CDK14: variants seen among roughly 807,000 people sequenced by gnomAD.
CDK14 encodes the protein cyclin dependent kinase 14.
In CDK14, 34 loss-of-function variants were observed where a neutral mutation model predicts 60.7. The ratio of observed to expected loss-of-function variants is 0.56; its 90% CI spans 0.43 to 0.75. CDK14 has a LOEUF of 0.75. Among genes scored for constraint, CDK14 ranks in the 30% least tolerant of loss-of-function variants. The pLI is 0.00. For missense variants in CDK14, 482 were observed against 564.1 expected, an observed-to-expected ratio of 0.85 and a Z score of 1.47; for synonymous variants, 197 against 203.7, an observed-to-expected ratio of 0.97 and a Z score of 0.28.
chr7:90,874,685 T>A (rs4015337), intron 6 of CDK14, among the ~76,000 whole-genome samples: 1 of 147,818 alleles, frequency 6.8e-6, no homozygotes, highest in Admixed American at 6.7e-5. Flanking sequence ...CCCGCCACCG[T>A]GCCCGGCTAA....
chr7:91,131,275 T>A (rs1800108897), intron 14 of CDK14, among the ~76,000 whole-genome samples: 1 of 152,062 alleles, frequency 6.6e-6, no homozygotes, highest in African/African-American at 2.4e-5. Context: ...ATGTCCCTCA[T>A]GATGTTTTGG....
intron 14 of CDK14, among the ~76,000 whole-genome samples, chr7:91,132,765 A>G (rs1419025644): frequency 6.6e-6 from 1 of 152,000 alleles, no homozygotes; most frequent in Non-Finnish European, 1.5e-5. Context: ...AGGATGATAA[A>G]GGGTACAGCA....
At chr7:91,123,584 T>C (rs920255413) in intron 14 of CDK14, among the ~76,000 whole-genome samples, 2 of 152,132 alleles carry the variant, frequency 1.3e-5, no homozygotes, top group African/African-American at 4.8e-5. Flanking sequence ...CGGAATGCTA[T>C]TAGTTTCCCC....
chr7:90,916,603 A>G (rs562327327), intron 7 of CDK14, among the ~76,000 whole-genome samples: 5 of 152,246 alleles, frequency 3.3e-5, no homozygotes, highest in South Asian at 2.1e-4. Context: ...GTCTTTTACA[A>G]CTCATTTAAA....
At chr7:91,103,435 T>G (rs954527250) in intron 12 of CDK14, among the ~76,000 whole-genome samples, 11 of 152,174 alleles carry the variant, frequency 7.2e-5, no homozygotes, top group Non-Finnish European at 1.5e-4. Flanking sequence ...CTTTGTCTGT[T>G]TTCAGGAAGT....
chr7:91,062,799 A>G (rs1225615658), intron 11 of CDK14, among the ~76,000 whole-genome samples: 1 of 152,126 alleles, frequency 6.6e-6, no homozygotes, highest in Non-Finnish European at 1.5e-5. Context: ...CCCACTAAGT[A>G]TCTGGCAATT....
intron 14 of CDK14, among the ~76,000 whole-genome samples, chr7:91,170,768 TC>T (rs370654328): frequency 2.7e-5 from 4 of 148,802 alleles, no homozygotes; most frequent in Non-Finnish European, 5.9e-5. Context: ...TTTTTTTTTT[TC>T]TTTTTTTTTT....
intron 8 of CDK14, among the ~76,000 whole-genome samples, chr7:90,945,334 T>C (rs1794069513): frequency 6.6e-6 from 1 of 152,220 alleles, no homozygotes; most frequent in South Asian, 2.1e-4. Context: ...GATGTGGCTA[T>C]TGTATCAGGA....
At chr7:90,639,981 T>C (rs1800279557) in intron 2 of CDK14, among the ~76,000 whole-genome samples, 1 of 152,132 alleles carries the variant, frequency 6.6e-6, no homozygotes, top group Non-Finnish European at 1.5e-5. Context: ...AAAAGCGCAG[T>C]ATTCGGGTGG....
At chr7:91,126,101 C>T (rs371391590) in intron 14 of CDK14, among the ~76,000 whole-genome samples, 1 of 152,044 alleles carries the variant, frequency 6.6e-6, no homozygotes, top group African/African-American at 2.4e-5. Flanking sequence ...TATTAAGATA[C>T]CTAGAGTTGT....
At chr7:90,819,449 A>T (rs1187928550) in intron 5 of CDK14, among the ~76,000 whole-genome samples, 2 of 151,712 alleles carry the variant, frequency 1.3e-5, no homozygotes, top group Non-Finnish European at 2.9e-5. Flanking sequence ...ACTCATGTTT[A>T]CTAACTGCAA....
chr7:90,983,844 A>G (rs1384320644), intron 9 of CDK14, among the ~76,000 whole-genome samples: 3 of 152,288 alleles, frequency 2.0e-5, no homozygotes, highest in South Asian at 2.1e-4. Flanking sequence ...AAAAGCAACA[A>G]TAGACACTAG....
chr7:91,045,386 G>C (rs1349732306), intron 10 of CDK14, among the ~76,000 whole-genome samples: 1 of 152,176 alleles, frequency 6.6e-6, no homozygotes, highest in African/African-American at 2.4e-5. Flanking sequence ...TGTAAATCAC[G>C]TAATTACAGA....
intron 14 of CDK14, among the ~76,000 whole-genome samples, chr7:91,146,292 C>A (rs1255496406): frequency 1.3e-5 from 2 of 152,182 alleles, no homozygotes; most frequent in African/African-American, 2.4e-5. Flanking sequence ...CCTCCAACTC[C>A]CAGGTTCAAG....
chr7:90,606,852 A>T (rs1799428827), intron 2 of CDK14, among the ~76,000 whole-genome samples: 1 of 152,176 alleles, frequency 6.6e-6, no homozygotes, highest in Non-Finnish European at 1.5e-5. Flanking sequence ...CTTTCTAGTT[A>T]TTTGGGCAGG....
At chr7:90,949,991 G>C (rs1794206758) in intron 8 of CDK14, among the ~76,000 whole-genome samples, 1 of 152,262 alleles carries the variant, frequency 6.6e-6, no homozygotes, top group Admixed American at 6.5e-5. Flanking sequence ...ACATCTCATA[G>C]TGATTATATG....
chr7:90,778,480 G>A (rs1467026325), intron 4 of CDK14, among the ~76,000 whole-genome samples: 1 of 152,182 alleles, frequency 6.6e-6, no homozygotes, highest in African/African-American at 2.4e-5. Flanking sequence ...CTCCCACTGT[G>A]TGCTCCTGCA....
chr7:91,178,475 CTA>C (rs1801860773), intron 14 of CDK14, among the ~76,000 whole-genome samples: 1 of 144,904 alleles, frequency 6.9e-6, no homozygotes, highest in Non-Finnish European at 1.5e-5. Context: ...TCTAATTAAA[CTA>C]AAGAGCTTCT....
At chr7:90,953,297 A>G (rs975969268) in intron 8 of CDK14, among the ~76,000 whole-genome samples, 7 of 152,222 alleles carry the variant, frequency 4.6e-5, no homozygotes, top group African/African-American at 1.4e-4. Context: ...ATTTACATGC[A>G]AACCATTTTA....
Sources: gnomAD v4.1 joint callset for allele counts (sites outside exome capture counted in the v4.1 genomes callset) on GRCh38, gnomAD v4.1.1 for gene constraint, MANE v1.5 for transcripts, NCBI Gene and HGNC (gene_info 2026-07-23, HGNC 2026-07-21) for gene names.